UBA2: variants seen among roughly 807,000 people sequenced by gnomAD.
The protein encoded by UBA2 is ubiquitin like modifier activating enzyme 2, also known as SUMO-activating enzyme subunit 2.
UBA2 carries 11 observed loss-of-function variants against 77.2 expected under a neutral mutation model. That is an observed-to-expected ratio of 0.14 (90% CI 0.09 to 0.24). UBA2 has a LOEUF of 0.24. Ranked by LOEUF, UBA2 falls within the 10% of genes least tolerant of loss-of-function variation. The pLI is 1.00. For missense variants in UBA2, 487 were observed against 781.7 expected, an observed-to-expected ratio of 0.62 and a Z score of 4.50; for synonymous variants, 278 against 276.7, an observed-to-expected ratio of 1.00 and a Z score of -0.05.
In UBA2 at chr19:34,458,842, A is replaced by G. The variant is rs144517203; in HGVS notation, c.1319A>G (p.Asn440Ser). 1.7e-5 allele frequency: 27 copies of G among 1,613,930 alleles called. No homozygotes were observed. In the African/African-American group the frequency reaches 2.9e-4, roughly 18 times the overall value. Residue 440 changes from asparagine (N) to serine (S), a missense_variant, in exon 13 of 17, where the codon AAT (asparagine) becomes AGT (serine). By Grantham distance (46) the Asn-to-Ser change is conservative. Transcript: ENST00000246548. ...VPCALDPPNP[N>S]CYVCASKPEV... is the part of the protein sequence containing the mutation. ...TGTGCACTGGATCCTCCCAACCCCA[A>G]TTGTTATGTATGTGCCAGCAAGCCA...
At chr19:34,428,633 T>C in intron 1 of UBA2, 63 bp downstream of exon 1, 124 of 417,744 alleles carry the variant, frequency 3.0e-4, no homozygotes, top group Non-Finnish European at 3.9e-4. Context: ...ATTCGGGGGT[T>C]CCGGGGCTCC....
intron 12 of UBA2, 45 bp downstream of exon 12, chr19:34,454,601 A>G (rs779311373): frequency 8.1e-6 from 8 of 992,700 alleles, no homozygotes; most frequent in Middle Eastern, 4.3e-4. Flanking sequence ...CCTTAAAAAA[A>G]TCATTAATTA....
chr19:34,463,461 G>T (rs1374884268), intron 14 of UBA2, among the ~76,000 whole-genome samples: 2 of 152,160 alleles, frequency 1.3e-5, no homozygotes, highest in Non-Finnish European at 2.9e-5. Flanking sequence ...GTGCTGGCAG[G>T]TTTGTTTTAT....
intron 15 of UBA2, among the ~76,000 whole-genome samples, 197 bp downstream of exon 15, chr19:34,464,328 G>A (rs1227629597): frequency 1.3e-5 from 2 of 152,102 alleles, no homozygotes; most frequent in Non-Finnish European, 2.9e-5. Context: ...TTGGCGGGGT[G>A]TGGCGGATCA....
intron 16 of UBA2, 42 bp downstream of exon 16, chr19:34,467,056 A>G (rs891966021): frequency 5.0e-6 from 8 of 1,598,734 alleles, no homozygotes; most frequent in African/African-American, 2.7e-5. Flanking sequence ...ATACCCACAA[A>G]GCAGAAGTAA....
intron 8 of UBA2, among the ~76,000 whole-genome samples, chr19:34,448,758 G>T (rs1406527798): frequency 6.6e-6 from 1 of 152,144 alleles, no homozygotes; most frequent in Non-Finnish European, 1.5e-5. Flanking sequence ...GGATATGGTT[G>T]GGATTCCTAG....
chr19:34,446,294 C>T (rs1325922399), intron 8 of UBA2, among the ~76,000 whole-genome samples: 1 of 152,188 alleles, frequency 6.6e-6, no homozygotes, highest in African/African-American at 2.4e-5. Flanking sequence ...GGTTTGAAAC[C>T]ATTGGACATA....
At chr19:34,462,503 A>G (rs1376700939) in intron 14 of UBA2, among the ~76,000 whole-genome samples, 1 of 152,196 alleles carries the variant, frequency 6.6e-6, no homozygotes, top group Non-Finnish European at 1.5e-5. Flanking sequence ...CATTCCTGGT[A>G]GATTAAAATG....
rs2075729689 is a variant in UBA2 at position 34,471,182 on chromosome 19, T to C, written c.*1961T>C. 6.6e-6 allele frequency: 1 copy of C among 152,230 alleles called. No homozygotes were observed. The highest frequency in any genetic ancestry group is 2.1e-4 in the South Asian group (1 of 4,834). The allele number at this position is 152,230 out of a possible 1,614,324, so 9.4% of individuals were successfully genotyped here. On this transcript the variant is annotated 3_prime_UTR_variant, in exon 17 of 17. Coordinates refer to ENST00000246548, the MANE Select transcript of UBA2 (RefSeq NM_005499.3). ...CCATTAAGCTGTTTCCCCTATTGTA[T>C]TCATGTGCCCTTTGTGTTTCTGGCA... is the stretch of plus-strand genomic sequence containing the variant.
At chr19:34,463,622 T>A (rs1205513467) in intron 14 of UBA2, among the ~76,000 whole-genome samples, 6 of 152,076 alleles carry the variant, frequency 3.9e-5, no homozygotes, top group Non-Finnish European at 8.8e-5. Context: ...GTCCTAAAAA[T>A]TTTTTTTGCT....
chr19:34,449,739 G>T (rs16969326), intron 8 of UBA2, among the ~76,000 whole-genome samples: 34,715 of 151,984 alleles, frequency 0.23, 4,581 homozygotes, highest in East Asian at 0.63. Flanking sequence ...GTTTCTGTGG[G>T]TTATTTTTGG....
At chr19:34,445,644 G>A (rs1266129707) in intron 8 of UBA2, among the ~76,000 whole-genome samples, 2 of 151,800 alleles carry the variant, frequency 1.3e-5, no homozygotes, top group African/African-American at 4.8e-5. Flanking sequence ...CACCATGTTG[G>A]CCAGGTAGGT....
intron 1 of UBA2, chr19:34,430,197 C>G (rs1472204802): frequency 6.3e-6 from 1 of 159,846 alleles, no homozygotes; most frequent in Non-Finnish European, 1.4e-5. Flanking sequence ...GTATGAGCCA[C>G]CACTCCCGGT....
chr19:34,454,006 A>G (rs1385016212), intron 10 of UBA2, among the ~76,000 whole-genome samples: 1 of 151,980 alleles, frequency 6.6e-6, no homozygotes, highest in East Asian at 1.9e-4. Context: ...GTGAGTTCCT[A>G]GAAGCTGGTG....
At chr19:34,443,787 A>T in intron 6 of UBA2, 57 bp from the exon 7 acceptor site, 1 of 1,133,118 alleles carries the variant, frequency 8.8e-7, no homozygotes, top group Non-Finnish European at 1.3e-6. Flanking sequence ...ATTCTAAATT[A>T]CATGTTTGTT....
chr19:34,431,967 G>GTATAAA, intron 3 of UBA2, 36 bp downstream of exon 3: 1 of 171,420 alleles, frequency 5.8e-6, no homozygotes, highest in Non-Finnish European at 9.9e-6. Context: ...AGTTGTATAA[G>GTATAAA]GGTTTTGTAA....
chr19:34,458,301 A>C, intron 12 of UBA2, among the ~76,000 whole-genome samples: 2 of 152,012 alleles, frequency 1.3e-5, no homozygotes, highest in Non-Finnish European at 2.9e-5. Context: ...CACGCCTGTA[A>C]TCCCAGCACT....
chr19:34,444,305 G>A (rs941242002), intron 7 of UBA2, among the ~76,000 whole-genome samples: 8 of 151,920 alleles, frequency 5.3e-5, no homozygotes, highest in Admixed American at 1.3e-4. Context: ...TGATCCACCC[G>A]CCTTGGCCTC....
At chr19:34,462,947 T>C (rs1436221176) in intron 14 of UBA2, among the ~76,000 whole-genome samples, 1 of 152,022 alleles carries the variant, frequency 6.6e-6, no homozygotes, top group Non-Finnish European at 1.5e-5. Context: ...ATACAAAAAT[T>C]AGCCAGGCAT....
Sources: gnomAD v4.1 joint callset for allele counts (sites outside exome capture counted in the v4.1 genomes callset) on GRCh38, gnomAD v4.1.1 for gene constraint, MANE v1.5 for transcripts, NCBI Gene and HGNC (gene_info 2026-07-23, HGNC 2026-07-21) for gene names.